The following PLPP4 variants were observed in gnomAD, a reference collection of about 807,000 sequenced individuals.
PLPP4 encodes the protein phospholipid phosphatase 4, also known as diacylglycerol pyrophosphate like 2.
In PLPP4, 20 loss-of-function variants were observed where a neutral mutation model predicts 32.2. That is an observed-to-expected ratio of 0.62 (90% CI 0.44 to 0.90). The LOEUF (loss-of-function observed/expected upper bound fraction) is 0.90, where lower values mean the gene tolerates loss of function less well. Ranked by LOEUF, PLPP4 falls within the 40% of genes least tolerant of loss-of-function variation. The probability of loss-of-function intolerance (pLI) is 0.00; values close to 1 mark genes in which losing one functional copy is unlikely to be tolerated. For synonymous variants in PLPP4, 127 were observed against 133.0 expected (o/e 0.95, Z 0.31); for missense variants, 257 against 353.1 (o/e 0.73, Z 2.18).
intron 5 of PLPP4, among the ~76,000 whole-genome samples, chr10:120,567,048 C>T (rs1848724209): frequency 6.6e-6 from 1 of 150,656 alleles, no homozygotes. Context: ...TCCTTGCACC[C>T]TAGGTTTTTT....
At chr10:120,573,125 A>G (rs961719623) in intron 5 of PLPP4, among the ~76,000 whole-genome samples, 1 of 152,100 alleles carries the variant, frequency 6.6e-6, no homozygotes, top group South Asian at 2.1e-4. Flanking sequence ...CTAGCCATAG[A>G]ACTTGCTACT....
At chr10:120,501,212 G>A (rs985634124) in intron 1 of PLPP4, among the ~76,000 whole-genome samples, 1 of 152,184 alleles carries the variant, frequency 6.6e-6, no homozygotes, top group African/African-American at 2.4e-5. Flanking sequence ...AATTTGTTAC[G>A]TAGCTACAGA....
intron 6 of PLPP4, among the ~76,000 whole-genome samples, chr10:120,579,729 C>A (rs1329345921): frequency 2.0e-5 from 3 of 152,046 alleles, no homozygotes; most frequent in African/African-American, 4.8e-5. Context: ...AAGATGGGAT[C>A]CTTCCCTGTT....
intron 5 of PLPP4, among the ~76,000 whole-genome samples, chr10:120,532,142 A>G (rs572245804): frequency 1.3e-5 from 2 of 152,050 alleles, no homozygotes; most frequent in African/African-American, 4.8e-5. Flanking sequence ...ACTCCCACTT[A>G]TGAGTGGGAA....
chr10:120,566,026 T>C (rs916309303), intron 5 of PLPP4, among the ~76,000 whole-genome samples: 9 of 152,156 alleles, frequency 5.9e-5, no homozygotes, highest in Admixed American at 1.3e-4. Context: ...AGAAATTCTA[T>C]TTGGTCTTTT....
chr10:120,461,324 C>T (rs1376074174), intron 1 of PLPP4, among the ~76,000 whole-genome samples: 1 of 152,194 alleles, frequency 6.6e-6, no homozygotes, highest in East Asian at 1.9e-4. Context: ...TCTGTTAGTT[C>T]AAGCACTCTG....
intron 1 of PLPP4, among the ~76,000 whole-genome samples, chr10:120,465,011 C>T (rs528100530): frequency 5.9e-5 from 9 of 152,194 alleles, no homozygotes; most frequent in South Asian, 4.2e-4. Context: ...TAAATGCTCC[C>T]GGCACTGCAA....
intron 1 of PLPP4, among the ~76,000 whole-genome samples, chr10:120,466,990 G>A (rs376088079): frequency 1.1e-4 from 16 of 151,738 alleles, no homozygotes; most frequent in African/African-American, 3.6e-4. Context: ...GCAGCAAAGA[G>A]CTGAGCCTTC....
chr10:120,461,185 T>G (rs546312554), intron 1 of PLPP4, among the ~76,000 whole-genome samples: 1 of 152,334 alleles, frequency 6.6e-6, no homozygotes, highest in Non-Finnish European at 1.5e-5. Context: ...AGATGGGATT[T>G]GATCATGGCA....
At chr10:120,499,650 C>T (rs1048505831) in intron 1 of PLPP4, among the ~76,000 whole-genome samples, 3 of 152,048 alleles carry the variant, frequency 2.0e-5, no homozygotes, top group African/African-American at 4.8e-5. Context: ...GCAGCGTGGG[C>T]CCCCCAGGAA....
intron 5 of PLPP4, among the ~76,000 whole-genome samples, chr10:120,563,769 C>CGCAGTCT: frequency 9.0e-6 from 1 of 111,046 alleles, no homozygotes; most frequent in East Asian, 2.6e-4. Flanking sequence ...CACTGCAGTC[C>CGCAGTCT]GCAGTCCGGC....
chr10:120,480,776 C>T (rs945525387), intron 1 of PLPP4, among the ~76,000 whole-genome samples: 8 of 152,174 alleles, frequency 5.3e-5, no homozygotes, highest in Admixed American at 6.5e-5. Flanking sequence ...TGCTCCTGCC[C>T]CCTTGTCTTT....
chr10:120,534,530 T>C (rs975219579), intron 5 of PLPP4, among the ~76,000 whole-genome samples: 1 of 152,162 alleles, frequency 6.6e-6, no homozygotes, highest in Non-Finnish European at 1.5e-5. Flanking sequence ...GCGTATTTTT[T>C]TTCTGCTCCC....
upstream of PLPP4, chr10:120,457,172 G>T (rs1485620777): frequency 4.1e-6 from 2 of 484,730 alleles, no homozygotes; most frequent in African/African-American, 4.1e-5. Context: ...CCCGCCCGGC[G>T]CCCGCCTCCG....
chr10:120,457,444 C>G, intron 1 of PLPP4, 83 bp downstream of exon 1: 1 of 1,296,138 alleles, frequency 7.7e-7, no homozygotes, highest in Non-Finnish European at 1.1e-6. Context: ...ACTTAGTTTG[C>G]GCAGCCGCTT....
At chr10:120,565,601 C>T (rs1384342832) in intron 5 of PLPP4, among the ~76,000 whole-genome samples, 1 of 152,008 alleles carries the variant, frequency 6.6e-6, no homozygotes, top group Non-Finnish European at 1.5e-5. Flanking sequence ...TAACAACTTG[C>T]TTCTCTTTTT....
chr10:120,462,041 C>T (rs1176620808), intron 1 of PLPP4, among the ~76,000 whole-genome samples: 2 of 152,188 alleles, frequency 1.3e-5, no homozygotes, highest in Non-Finnish European at 2.9e-5. Flanking sequence ...ACAGTTGGAG[C>T]AAGGTGCTAG....
chr10:120,552,165 GGT>G (rs58426120), intron 5 of PLPP4, among the ~76,000 whole-genome samples: 29,211 of 138,290 alleles, frequency 0.21, 2,914 homozygotes, highest in East Asian at 0.28. Flanking sequence ...GTGGTGGTGG[GGT>G]GTGTGTGTGT....
intron 1 of PLPP4, among the ~76,000 whole-genome samples, chr10:120,482,892 A>G (rs1010123371): frequency 6.6e-6 from 1 of 152,152 alleles, no homozygotes; most frequent in African/African-American, 2.4e-5. Context: ...AGCCTGGGTG[A>G]CAGAGTGAGA....
Sources: gnomAD v4.1 joint callset for allele counts (sites outside exome capture counted in the v4.1 genomes callset) on GRCh38, gnomAD v4.1.1 for gene constraint, MANE v1.5 for transcripts, NCBI Gene and HGNC (gene_info 2026-07-23, HGNC 2026-07-21) for gene names.